NBPF15: variants seen among roughly 807,000 people sequenced by gnomAD.
NBPF15 encodes the protein NBPF family member NBPF15.
A neutral mutation model predicts 62.2 loss-of-function variants in NBPF15; 74 were observed. The observed-to-expected ratio is 1.19, with a 90% CI of 0.99 to 1.44. The LOEUF (loss-of-function observed/expected upper bound fraction) is 1.44, where lower values mean the gene tolerates loss of function less well. Ranked by LOEUF, NBPF15 falls within the 40% of genes most tolerant of loss-of-function variation. NBPF15 has a pLI of 0.00. For synonymous variants in NBPF15, 244 were observed against 209.7 expected (o/e 1.16, Z -1.41); for missense variants, 790 against 550.0 (o/e 1.44, Z -4.36).
intron 17 of NBPF15, 53 bp from the exon 18 acceptor site, chr1:144,426,503 C>T (rs1206574399): frequency 7.6e-6 from 6 of 788,666 alleles, no homozygotes; most frequent in Non-Finnish European, 1.4e-5. Flanking sequence ...AGAAACCACA[C>T]AGCCCCAGCT....
At chr1:144,442,579 C>G (rs1189723675) in intron 6 of NBPF15, 2 of 152,594 alleles carry the variant, frequency 1.3e-5, no homozygotes, top group African/African-American at 4.9e-5. Context: ...GCCCCTGCAG[C>G]AACGCAACGG....
chr1:144,450,397 A>T (rs1553545173), intron 5 of NBPF15, among the ~76,000 whole-genome samples: 1 of 151,930 alleles, frequency 6.6e-6, no homozygotes, highest in Non-Finnish European at 1.5e-5. Flanking sequence ...CTCTGGAGTC[A>T]GAGTGTCTCC....
At chr1:144,459,343 G>C (rs1387639533) in intron 3 of NBPF15, 23 bp downstream of exon 3, 2 of 151,880 alleles carry the variant, frequency 1.3e-5, no homozygotes, top group Non-Finnish European at 2.9e-5. Flanking sequence ...ATACAGAAAA[G>C]AGCTGAGTGT....
chr1:144,444,872 C>T (rs1553543590), intron 6 of NBPF15, among the ~76,000 whole-genome samples: 1 of 151,960 alleles, frequency 6.6e-6, no homozygotes, highest in South Asian at 2.1e-4. Flanking sequence ...ATTGTGCAGA[C>T]ACAGTGTGTA....
intron 6 of NBPF15, among the ~76,000 whole-genome samples, chr1:144,445,132 C>T (rs1244698893): frequency 1.3e-5 from 2 of 151,272 alleles, no homozygotes; most frequent in Non-Finnish European, 3.0e-5. Context: ...GCATCTTTTC[C>T]TATGCTAACT....
intron 20 of NBPF15, among the ~76,000 whole-genome samples, chr1:144,424,462 A>C (rs1268847716): frequency 1.3e-5 from 2 of 152,058 alleles, no homozygotes; most frequent in Non-Finnish European, 2.9e-5. Flanking sequence ...GAGTAGAATC[A>C]GAGTGCCACA....
At chr1:144,456,408 A>T in intron 4 of NBPF15, 129 bp downstream of exon 4, 6 of 821,668 alleles carry the variant, frequency 7.3e-6, no homozygotes, top group Non-Finnish European at 9.2e-6. Context: ...ATATTAATTC[A>T]GTATCTGTTT....
intron 13 of NBPF15, among the ~76,000 whole-genome samples, chr1:144,432,102 CCCA>C (rs1674784821): frequency 6.6e-6 from 1 of 152,072 alleles, no homozygotes; most frequent in East Asian, 1.9e-4. Context: ...AGTTTACAGT[CCCA>C]CCAACAGTGT....
Position 144,423,857 on chromosome 1 carries a change from T to C in NBPF15, c.1769+13A>G. On this transcript the variant is annotated intron_variant, in intron 21 of 21. Transcript: ENST00000581897. ...TAACACAGAATTAAGCATCCACAAT[T>C]GCTGAAAGTTACCTGGGGCATGGTG... is the stretch of plus-strand genomic sequence containing the variant. 1.3e-6 allele frequency: 1 copy of C among 764,674 alleles called. No individual in the cohort carries two copies. The highest frequency in any genetic ancestry group is 2.4e-6 in the Non-Finnish European group (1 of 418,358). The allele number at this position is 764,674 out of a possible 1,614,324, so 47.4% of individuals were successfully genotyped here. A position where few individuals can be genotyped will look rare whatever the true frequency, so the allele number is the denominator to read the frequency against.
chr1:144,429,915 A>G (rs1344281520), intron 13 of NBPF15, 52 bp from the exon 14 acceptor site: 1 of 511,102 alleles, frequency 2.0e-6, no homozygotes, highest in Non-Finnish European at 3.4e-6. Flanking sequence ...AACAGACATT[A>G]GACAACAAAA....
chr1:144,459,852 C>T (rs1295170446), intron 2 of NBPF15, among the ~76,000 whole-genome samples: 29 of 151,706 alleles, frequency 1.9e-4, no homozygotes, highest in African/African-American at 7.0e-4. Context: ...ACCAGAGTAT[C>T]CCTGCTAAAT....
At chr1:144,428,508 A>G in intron 15 of NBPF15, 98 bp downstream of exon 15, 1 of 802,908 alleles carries the variant, frequency 1.2e-6, no homozygotes, top group South Asian at 1.4e-5. Context: ...CTTGTCTGAC[A>G]AGACAAAATC....
At chr1:144,455,520 T>A (rs587654962) in intron 4 of NBPF15, among the ~76,000 whole-genome samples, 3 of 152,102 alleles carry the variant, frequency 2.0e-5, no homozygotes, top group Non-Finnish European at 4.4e-5. Context: ...TGTCTTTGGA[T>A]AAGTTCTGGT....
chr1:144,439,773 G>C, intron 8 of NBPF15, 56 bp downstream of exon 8: 1 of 1,370,624 alleles, frequency 7.3e-7, no homozygotes, highest in Non-Finnish European at 1.0e-6. Context: ...TAGTGTCTCA[G>C]AGAGAAGACA....
intron 4 of NBPF15, among the ~76,000 whole-genome samples, chr1:144,456,303 C>T (rs1372213866): frequency 6.6e-6 from 1 of 151,984 alleles, no homozygotes; most frequent in Non-Finnish European, 1.5e-5. Flanking sequence ...GGAGAGAACA[C>T]TCTCCTCTCC....
intron 6 of NBPF15, among the ~76,000 whole-genome samples, chr1:144,445,896 A>T (rs1341864432): frequency 2.5e-5 from 3 of 118,036 alleles, no homozygotes; most frequent in South Asian, 5.3e-4. Context: ...TTGCTCTGTT[A>T]CCCAGGCTGG....
rs116787743 is a variant in NBPF15, at chr1:144,450,411, C to T, written c.-333+361G>A. Among the ~76,000 whole-genome samples the T allele has an allele frequency of 5.9e-3, 904 of 152,056 alleles. 9 individuals are homozygous for T. The highest frequency in any genetic ancestry group is 0.021 in the African/African-American group (858 of 41,484). On this transcript the variant is annotated intron_variant, in intron 5 of 21. Coordinates refer to ENST00000581897, the MANE Select transcript of NBPF15 (RefSeq NM_001385408.1). ...CCTCTGGAGTCAGAGTGTCTCCCCG[C>T]TGACAGCCAGCACAGAAAAAGGGCC... is the stretch of plus-strand genomic sequence containing the variant.
At chr1:144,426,927 T>C in intron 17 of NBPF15, 120 bp downstream of exon 17, 1 of 600,742 alleles carries the variant, frequency 1.7e-6, no homozygotes, top group African/African-American at 1.9e-5. Context: ...AACAGCAATG[T>C]CAGGAGGAGT....
chr1:144,422,997 G>A lies in NBPF15; in HGVS notation c.*16C>T, dbSNP rs782162371. The A allele has an allele frequency of 2.9e-5, 47 of 1,611,506 alleles. 2 individuals carry two copies. Among genetic ancestry groups the A allele is most frequent in the Non-Finnish European group, 3.4e-5 (40 of 1,179,620 alleles). On this transcript the variant is annotated 3_prime_UTR_variant, in exon 22 of 22. Transcript: ENST00000581897. The stretch of plus-strand genomic sequence containing the variant: ...CTGCCTGCAGGAATGACATCTCTCG[G>A]CTTAGTAAGAGCTGCTTATTGTGGG...
Sources: allele counts gnomAD v4.1 joint callset (sites outside exome capture counted in the v4.1 genomes callset), GRCh38; gene constraint gnomAD v4.1.1; transcripts MANE v1.5; gene names NCBI Gene and HGNC (gene_info 2026-07-23, HGNC 2026-07-21).